The following MAD1L1 variants were observed in gnomAD, a reference collection of about 807,000 sequenced individuals.
The protein encoded by MAD1L1 is mitotic arrest deficient 1 like 1.
Under a neutral mutation model 96.9 loss-of-function variants are expected in MAD1L1, and 95 were observed. That is an observed-to-expected ratio of 0.98 (90% CI 0.83 to 1.16). MAD1L1 has a LOEUF of 1.16. Ranked by LOEUF, MAD1L1 falls within the 50% of genes most tolerant of loss-of-function variation. MAD1L1 has a pLI of 0.00. For synonymous variants in MAD1L1, 473 were observed against 396.6 expected (o/e 1.19, Z -2.29); for missense variants, 1,007 against 954.4 (o/e 1.06, Z -0.73).
chr7:2,128,910 C>T (rs1788370442), intron 11 of MAD1L1, among the ~76,000 whole-genome samples: 1 of 152,358 alleles, frequency 6.6e-6, no homozygotes, highest in African/African-American at 2.4e-5. Context: ...GGCAGTCAGG[C>T]ACACGGACCA....
intron 11 of MAD1L1, among the ~76,000 whole-genome samples, chr7:2,124,431 T>C (rs868241391): frequency 6.6e-6 from 1 of 152,138 alleles, no homozygotes; most frequent in Admixed American, 6.5e-5. Context: ...TAAGAAGACC[T>C]GGGAGATGAG....
intron 4 of MAD1L1, 135 bp from the exon 5 acceptor site, chr7:2,222,889 G>A (rs1639918): frequency 0.026 from 17,626 of 677,236 alleles, 437 homozygotes; most frequent in East Asian, 0.091. Flanking sequence ...CCAAGTCATA[G>A]GCAGAACCAG....
chr7:1,979,267 G>A (rs1168902029), intron 15 of MAD1L1, among the ~76,000 whole-genome samples: 4 of 152,284 alleles, frequency 2.6e-5, no homozygotes, highest in Non-Finnish European at 5.9e-5. Flanking sequence ...GCCATTTGAT[G>A]TCCCCTGGAG....
chr7:2,103,369 C>A lies in MAD1L1; in HGVS notation c.1074-34031G>T, dbSNP rs543671114. On this transcript the variant is annotated intron_variant, in intron 11 of 18. Coordinates refer to ENST00000265854, the MANE Select transcript of MAD1L1 (RefSeq NM_001013836.2). The surrounding 1 kb of genome is among the most constrained non-coding windows in gnomAD (Gnocchi z 4.3). ...CCTGCCTGCCCCGCCGCTCAGTAGA[C>A]GGCACATGGGACATCGCCATGCCTA... Among the ~76,000 whole-genome samples, 1 of 152,156 alleles carries A rather than the reference C, an allele frequency of 6.6e-6. No homozygotes were observed. Among genetic ancestry groups the A allele is most frequent in the Non-Finnish European group, 1.5e-5 (1 of 68,042 alleles).
At chr7:1,816,688 G>T (rs1781825261) in intron 18 of MAD1L1, among the ~76,000 whole-genome samples, 2 of 152,052 alleles carry the variant, frequency 1.3e-5, no homozygotes, top group African/African-American at 2.4e-5. Flanking sequence ...GGGGAGTCTG[G>T]CTCTGTGGAT....
chr7:2,048,826 T>G (rs1051593994), intron 12 of MAD1L1, among the ~76,000 whole-genome samples: 2 of 152,132 alleles, frequency 1.3e-5, no homozygotes, highest in African/African-American at 4.8e-5. Context: ...AAGCCACCAC[T>G]CCCACTTCCC....
chr7:1,836,285 G>A (rs1220944038), intron 18 of MAD1L1, among the ~76,000 whole-genome samples: 5 of 152,178 alleles, frequency 3.3e-5, no homozygotes, highest in Admixed American at 2.6e-4. Flanking sequence ...CTCCCAAAGT[G>A]CTGGGATTAC....
At chr7:2,006,321 G>A (rs1195767409) in intron 13 of MAD1L1, among the ~76,000 whole-genome samples, 1 of 152,186 alleles carries the variant, frequency 6.6e-6, no homozygotes, top group African/African-American at 2.4e-5. Flanking sequence ...GGACAGGGCA[G>A]GAGGGAGTTG....
At chr7:1,827,353 G>C (rs949444531) in intron 18 of MAD1L1, among the ~76,000 whole-genome samples, 1 of 152,244 alleles carries the variant, frequency 6.6e-6, no homozygotes, top group Non-Finnish European at 1.5e-5. Flanking sequence ...CGGGTGAGGA[G>C]GGAGGAGCTG....
chr7:1,823,514 G>A (rs1286561485), intron 18 of MAD1L1, among the ~76,000 whole-genome samples: 2 of 152,176 alleles, frequency 1.3e-5, no homozygotes, highest in African/African-American at 4.8e-5. Flanking sequence ...GAACGCCACG[G>A]CCACAGGGGA....
intron 17 of MAD1L1, among the ~76,000 whole-genome samples, chr7:1,920,110 G>T (rs55726805): frequency 0.034 from 5,160 of 152,270 alleles, 196 homozygotes; most frequent in Admixed American, 0.099. Context: ...GGGCTGTGTG[G>T]GCCCAGCATC....
In MAD1L1 at chr7:2,213,206, C is replaced by T. The variant is rs1213625243; in HGVS notation, c.986+6G>A. 1 of 1,614,046 alleles carries T rather than the reference C, an allele frequency of 6.2e-7. No homozygotes were observed. Among genetic ancestry groups the T allele is most frequent in the Non-Finnish European group, 8.5e-7 (1 of 1,180,032 alleles). On this transcript the variant is annotated splice_donor_region_variant and intron_variant, in intron 10 of 18. Transcript: ENST00000265854. ...CGGGACCCCGGAGACACCTGCCCTT[C>T]CCTACCTGATGCTCAGGCCCATGGT...
intron 17 of MAD1L1, among the ~76,000 whole-genome samples, chr7:1,900,278 C>A (rs1033535535): frequency 1.3e-5 from 2 of 152,230 alleles, no homozygotes; most frequent in Admixed American, 6.5e-5. Flanking sequence ...GAAGGAGCAG[C>A]GGTGCAGGGA....
At chr7:2,012,113 C>T (rs1018830042) in intron 13 of MAD1L1, among the ~76,000 whole-genome samples, 1 of 152,252 alleles carries the variant, frequency 6.6e-6, no homozygotes, top group African/African-American at 2.4e-5. Context: ...AGGTCCGCAA[C>T]ATACATCCCA....
chr7:1,995,977 T>C (rs1781535719), intron 14 of MAD1L1, among the ~76,000 whole-genome samples: 1 of 152,222 alleles, frequency 6.6e-6, no homozygotes, highest in African/African-American at 2.4e-5. Flanking sequence ...CTGGCCATGC[T>C]GCTGGATGTG....
intron 18 of MAD1L1, among the ~76,000 whole-genome samples, chr7:1,865,567 T>C (rs545025176): frequency 1.1e-4 from 16 of 152,198 alleles, no homozygotes; most frequent in Non-Finnish European, 1.9e-4. Flanking sequence ...CTTTTTACGA[T>C]GCAGGGAGGA....
chr7:2,015,259 C>CCG (rs1782485403), intron 12 of MAD1L1, among the ~76,000 whole-genome samples: 1 of 152,244 alleles, frequency 6.6e-6, no homozygotes, highest in Non-Finnish European at 1.5e-5. Flanking sequence ...GGCTGAGTCC[C>CCG]CGCTTTTCAG....
intron 16 of MAD1L1, among the ~76,000 whole-genome samples, chr7:1,945,524 G>A (rs1779188945): frequency 6.6e-6 from 1 of 152,212 alleles, no homozygotes; most frequent in Non-Finnish European, 1.5e-5. Context: ...CTGGGTCACA[G>A]CCGCAACCCA....
Position 1,891,951 on chromosome 7 carries a change from T to C in MAD1L1, c.1998+6249A>G, listed in dbSNP as rs60718787. Among the ~76,000 whole-genome samples the C allele has an allele frequency of 8.0e-3, 1,217 of 152,254 alleles. 15 individuals are homozygous for C. Among genetic ancestry groups the C allele is most frequent in the African/African-American group, 0.028 (1,178 of 41,538 alleles). ...TGTAGCCTAAGTGGTACGGCATTTA[T>C]AGTCTCCAGTTGTGCACACTCATGT... is the stretch of plus-strand genomic sequence containing the variant. On this transcript the variant is annotated intron_variant, in intron 18 of 18. Coordinates refer to ENST00000265854, the MANE Select transcript of MAD1L1 (RefSeq NM_001013836.2).
Sources: gnomAD v4.1 joint callset for allele counts (sites outside exome capture counted in the v4.1 genomes callset) on GRCh38, gnomAD v4.1.1 for gene constraint, Gnocchi (gnomAD v3.1) non-coding constraint, MANE v1.5 for transcripts, NCBI Gene and HGNC (gene_info 2026-07-23, HGNC 2026-07-21) for gene names.